The following MCHR2 variants were observed in gnomAD, a reference collection of about 807,000 sequenced individuals.
The protein encoded by MCHR2 is melanin concentrating hormone receptor 2.
MCHR2 carries 15 observed loss-of-function variants against 24.8 expected under a neutral mutation model. That is an observed-to-expected ratio of 0.60 (90% CI 0.40 to 0.93). The LOEUF is 0.93. MCHR2 is among the 40% of genes least tolerant of loss of function. The pLI, the probability that MCHR2 is intolerant of heterozygous loss-of-function variation, is 0.00. For missense variants in MCHR2, 386 were observed against 408.7 expected (o/e 0.94, Z 0.48); for synonymous variants, 151 against 147.6 (o/e 1.02, Z -0.17).
intron 1 of MCHR2, among the ~76,000 whole-genome samples, chr6:99,956,875 G>A (rs916576934): frequency 3.9e-5 from 6 of 152,042 alleles, no homozygotes; most frequent in African/African-American, 1.4e-4. Flanking sequence ...TCTAAGTCTG[G>A]TATTTGGAAA....
intron 4 of MCHR2, 35 bp from the exon 5 acceptor site, chr6:99,934,552 G>A: frequency 7.0e-7 from 1 of 1,435,678 alleles, no homozygotes; most frequent in Non-Finnish European, 9.3e-7. Context: ...GAGAGAGAAA[G>A]AACAACACCA....
intron 4 of MCHR2, 25 bp from the exon 5 acceptor site, chr6:99,934,542 G>T: frequency 6.5e-7 from 1 of 1,530,036 alleles, no homozygotes; most frequent in Non-Finnish European, 8.7e-7. Context: ...AGAGAAGAGA[G>T]AGAGAGAAAG....
At position 99,942,944 on chromosome 6, in the gene MCHR2, C is replaced by T; in HGVS notation, c.587+5G>A. ...ACTCGTTTTTCTTAAGTTTTCACAA[C>T]TTACCAGAGTACATCGTCAGGGGAT... On this transcript the variant is annotated splice_donor_5th_base_variant and intron_variant, in intron 4 of 5. Coordinates refer to ENST00000281806, the MANE Select transcript of MCHR2 (RefSeq NM_001040179.2). 1 of 1,596,950 alleles carries T rather than the reference C, an allele frequency of 6.3e-7. No individual in the cohort carries two copies. Among genetic ancestry groups the T allele is most frequent in the Non-Finnish European group, 8.5e-7 (1 of 1,170,638 alleles).
chr6:99,931,554 TC>T (rs1248739642), intron 5 of MCHR2, among the ~76,000 whole-genome samples: 1 of 152,024 alleles, frequency 6.6e-6, no homozygotes, highest in Non-Finnish European at 1.5e-5. Flanking sequence ...CGGGCAACCC[TC>T]CCCCACCCTC....
intron 2 of MCHR2, among the ~76,000 whole-genome samples, chr6:99,948,791 A>AT (rs955529158): frequency 1.3e-5 from 2 of 152,056 alleles, no homozygotes; most frequent in African/African-American, 4.8e-5. Flanking sequence ...TGTCTAATGC[A>AT]TTTTTTTTCT....
At chr6:99,941,333 A>T (rs1042982549) in intron 4 of MCHR2, among the ~76,000 whole-genome samples, 3 of 150,402 alleles carry the variant, frequency 2.0e-5, no homozygotes, top group African/African-American at 7.4e-5. Flanking sequence ...GATATTGCTA[A>T]TGATAACCTT....
At chr6:99,962,605 G>A (rs1775209470) in intron 1 of MCHR2, among the ~76,000 whole-genome samples, 1 of 151,982 alleles carries the variant, frequency 6.6e-6, no homozygotes, top group South Asian at 2.1e-4. Context: ...ACTCAAAATA[G>A]GTTAAAGACT....
intron 5 of MCHR2, among the ~76,000 whole-genome samples, chr6:99,927,759 A>G (rs1436971112): frequency 1.3e-5 from 2 of 152,074 alleles, no homozygotes; most frequent in South Asian, 2.1e-4. Context: ...GGTTTTCTAG[A>G]TATACAATCA....
chr6:99,953,567 G>A (rs140739562), intron 2 of MCHR2, among the ~76,000 whole-genome samples: 1 of 152,088 alleles, frequency 6.6e-6, no homozygotes, highest in African/African-American at 2.4e-5. Context: ...ACTTATCTGA[G>A]CCATCTTTTT....
rs779640136 is a variant in MCHR2 at position 99,956,118 on chromosome 6, G to A, written c.30C>T (p.Asn10=). ...ATTTGTTTAAAAGTTCGGCAGAGGT[G>A]TTCCAACAAGATGCATGAAATGGAT... MNPFHASCW[N]TSAELLNKSW... Residue 10 remains asparagine (N), a synonymous_variant, in exon 2 of 6, where the codon AAC becomes AAT. Transcript: ENST00000281806. 1 of 1,612,668 alleles carries A rather than the reference G, an allele frequency of 6.2e-7. No homozygotes were observed. Among genetic ancestry groups the A allele is most frequent in the Non-Finnish European group, 8.5e-7 (1 of 1,179,270 alleles).
At chr6:99,963,241 A>G (rs535228795) in intron 1 of MCHR2, among the ~76,000 whole-genome samples, 1 of 152,154 alleles carries the variant, frequency 6.6e-6, no homozygotes, top group Admixed American at 6.6e-5. Context: ...AGGTTCCTCA[A>G]GCCAACAGGT....
intron 1 of MCHR2, among the ~76,000 whole-genome samples, chr6:99,957,211 A>T (rs1775081575): frequency 6.6e-6 from 1 of 152,148 alleles, no homozygotes; most frequent in Admixed American, 6.6e-5. Context: ...AGGCTGGGGA[A>T]TCTTACAGGA....
chr6:99,920,565 A>G lies in MCHR2; in HGVS notation c.*375T>C. 1 of 195,214 alleles carries G rather than the reference A, an allele frequency of 5.1e-6. No homozygotes were observed. The highest frequency in any genetic ancestry group is 1.1e-5 in the Non-Finnish European group (1 of 93,612). 12.1% of individuals were successfully genotyped at this position (195,214 alleles called of 1,614,324 possible). ...AGGTGATACCCTCCTAGGAACCTTGAGGAAACTGTTACAGTGAGGCCACAG... is the reference window on the plus strand; with the variant it reads ...AGGTGATACCCTCCTAGGAACCTTGGGGAAACTGTTACAGTGAGGCCACAG... On this transcript the variant is annotated 3_prime_UTR_variant, in exon 6 of 6. Transcript: ENST00000281806.
chr6:99,956,174 G>A lies in MCHR2; in HGVS notation c.-27C>T. ...GTTCGTGGACTTTCCAGGGATTAAA[G>A]CTGTGAAGTAATAGGAAGTGATTTA... On this transcript the variant is annotated splice_region_variant and 5_prime_UTR_variant, in exon 2 of 6. Transcript: ENST00000281806. 1 of 1,576,708 alleles carries A rather than the reference G, an allele frequency of 6.3e-7. No homozygotes were observed. The highest frequency in any genetic ancestry group is 8.6e-7 in the Non-Finnish European group (1 of 1,156,438).
intron 4 of MCHR2, among the ~76,000 whole-genome samples, chr6:99,936,777 G>T (rs886911636): frequency 1.5e-4 from 23 of 151,846 alleles, no homozygotes; most frequent in African/African-American, 5.6e-4. Context: ...CATTGCTTTG[G>T]GTAGTAGTGT....
chr6:99,975,418 T>C (rs1039500932), intron 1 of MCHR2, among the ~76,000 whole-genome samples: 6 of 152,204 alleles, frequency 3.9e-5, no homozygotes, highest in Non-Finnish European at 8.8e-5. Flanking sequence ...TTAAGCCCGT[T>C]GGAAAACCGC....
intron 1 of MCHR2, among the ~76,000 whole-genome samples, chr6:99,966,161 A>C (rs764591728): frequency 5.3e-5 from 8 of 152,172 alleles, no homozygotes; most frequent in Non-Finnish European, 8.8e-5. Context: ...AAAAGAAAGA[A>C]ATATGTTAAA....
intron 1 of MCHR2, among the ~76,000 whole-genome samples, chr6:99,969,695 T>A (rs952592449): frequency 7.0e-6 from 1 of 142,864 alleles, no homozygotes; most frequent in African/African-American, 2.6e-5. Context: ...ATTAGGTATA[T>A]CTCCTATCCC....
rs934806105 is a variant in MCHR2, at chr6:99,919,631, A to G, written c.*1309T>C. Among the ~76,000 whole-genome samples, 4 of 152,224 alleles carry G rather than the reference A, an allele frequency of 2.6e-5. No individual in the cohort carries two copies. The highest frequency in any genetic ancestry group is 6.5e-5 in the Admixed American group (1 of 15,286). ...TAAAGAGGAAAGATAGATATAATGA[A>G]TACCTATGAAAATTTAAGGGCTAAT... On this transcript the variant is annotated 3_prime_UTR_variant, in exon 6 of 6. Coordinates refer to ENST00000281806, the MANE Select transcript of MCHR2 (RefSeq NM_001040179.2).
Sources: gnomAD v4.1 joint callset for allele counts (sites outside exome capture counted in the v4.1 genomes callset) on GRCh38, gnomAD v4.1.1 for gene constraint, MANE v1.5 for transcripts, NCBI Gene and HGNC (gene_info 2026-07-23, HGNC 2026-07-21) for gene names.